Variants in HIP1 observed in about 807,000 individuals in gnomAD.
HIP1 encodes the protein huntingtin-interacting protein 1.
HIP1 carries 65 observed loss-of-function variants against 147.6 expected under a neutral mutation model. The ratio of observed to expected loss-of-function variants is 0.44; its 90% CI spans 0.36 to 0.54. The LOEUF (loss-of-function observed/expected upper bound fraction) is 0.54, where lower values mean the gene tolerates loss of function less well. Ranked by LOEUF, HIP1 falls within the 20% of genes least tolerant of loss-of-function variation. The pLI, the probability that HIP1 is intolerant of heterozygous loss-of-function variation, is 0.00. For synonymous variants in HIP1, 479 were observed against 504.0 expected, an observed-to-expected ratio of 0.95 and a Z score of 0.67; for missense variants, 1,061 against 1,299.6, an observed-to-expected ratio of 0.82 and a Z score of 2.82.
intron 1 of HIP1, among the ~76,000 whole-genome samples, chr7:75,645,789 G>A (rs1798782242): frequency 6.6e-6 from 1 of 152,168 alleles, no homozygotes; most frequent in Non-Finnish European, 1.5e-5. Context: ...GTCCTTTGCA[G>A]CAACATGGAT....
Position 75,559,825 on chromosome 7 carries a change from C to A in HIP1, c.1282G>T (p.Asp428Tyr). 6.2e-7 allele frequency: 1 copy of A among 1,612,876 alleles called. No individual in the cohort carries two copies. Among genetic ancestry groups the A allele is most frequent in the Non-Finnish European group, 8.5e-7 (1 of 1,179,884 alleles). Residue 428 changes from aspartate to tyrosine, a missense_variant, in exon 14 of 31, where the codon GAC becomes TAC. By Grantham distance (160) the Asp-to-Tyr change is radical. Transcript: ENST00000336926. ...EQQHLRQQAA[D>Y]DCEFLRAELD... Reference sequence around the variant, plus strand: ...TCTGCCCGCAGGAATTCACAGTCGTCGGCCGCCTGCTGCCGCAGGTGCTGC... The same window carrying A: ...TCTGCCCGCAGGAATTCACAGTCGTAGGCCGCCTGCTGCCGCAGGTGCTGC...
At chr7:75,732,936 G>A (rs1554523219) in intron 1 of HIP1, among the ~76,000 whole-genome samples, 1 of 152,102 alleles carries the variant, frequency 6.6e-6, no homozygotes, top group East Asian at 1.9e-4. Context: ...GCCCCGCAGT[G>A]GCCAGTCTGC....
intron 1 of HIP1, among the ~76,000 whole-genome samples, chr7:75,664,283 CACATATATGTATGT>C (rs1209775842): frequency 2.2e-5 from 3 of 133,786 alleles, no homozygotes; most frequent in South Asian, 2.5e-4. Context: ...CATATATACA[CACATATATGTATGT>C]ATATATGTAT....
At position 75,573,789 on chromosome 7, in the gene HIP1, A is replaced by G. The variant is rs1554497117; in HGVS notation, c.717T>C (p.Thr239=). The change falls in exon 8 of 31, where the codon ACT becomes ACC. Residue 239 remains threonine (T), a synonymous_variant. Coordinates refer to ENST00000336926, the MANE Select transcript of HIP1 (RefSeq NM_005338.7). ...ILDCSHLYDY[T]VKLLFKLHSC... ...AGTGGAGTTTGAAGAGAAGCTTGAC[A>G]GTGTAGTCATAAAGGTGGCTGCAGT... The G allele has an allele frequency of 6.2e-7, 1 of 1,614,144 alleles. No individual in the cohort carries two copies. The highest frequency in any genetic ancestry group is 8.5e-7 in the Non-Finnish European group (1 of 1,180,004).
intron 1 of HIP1, among the ~76,000 whole-genome samples, chr7:75,658,906 CACAT>C (rs1394889340): frequency 6.6e-6 from 1 of 151,958 alleles, no homozygotes; most frequent in Non-Finnish European, 1.5e-5. Context: ...AAAAACCACA[CACAT>C]ACACACAAAA....
intron 1 of HIP1, among the ~76,000 whole-genome samples, chr7:75,694,506 T>G (rs573315418): frequency 2.4e-5 from 1 of 41,168 alleles, no homozygotes; most frequent in Non-Finnish European, 4.8e-5. Context: ...TCTTTCTTTC[T>G]TTTTTTTTTT....
Position 75,576,542 on chromosome 7 carries a change from G to T in HIP1, c.605-2641C>A, listed in dbSNP as rs587595578. ...TTCGAGGCCAGCCTGGCCAACATGG[G>T]GAAACCCCATCTCTACTAAAAATAC... On this transcript the variant is annotated intron_variant, in intron 7 of 30. Transcript: ENST00000336926. 7.4e-4 allele frequency among the ~76,000 whole-genome samples: 112 copies of T among 151,958 alleles called. 1 individual carries two copies. Among genetic ancestry groups the T allele is most frequent in the African/African-American group, 2.4e-3 (101 of 41,452 alleles).
Position 75,559,767 on chromosome 7 carries a change from G to T in HIP1, c.1340C>A (p.Thr447Asn). ...LDELRRQRED[T>N]EKAQRSLSEI... Reference sequence around the variant, plus strand: ...AGACAGGCTCCGCTGAGCCTTCTCGGTGTCCTCCCGCTGCCTCCTGAGCTC... The same window carrying T: ...AGACAGGCTCCGCTGAGCCTTCTCGTTGTCCTCCCGCTGCCTCCTGAGCTC... Residue 447 changes from threonine to asparagine, a missense_variant, in exon 14 of 31, where the codon ACC becomes AAC. Physicochemically the swap from Thr to Asn is moderately conservative, Grantham distance 65. Coordinates refer to ENST00000336926, the MANE Select transcript of HIP1 (RefSeq NM_005338.7). The T allele has an allele frequency of 3.1e-6, 5 of 1,606,904 alleles. No homozygotes were observed. Among genetic ancestry groups the T allele is most frequent in the Non-Finnish European group, 4.2e-6 (5 of 1,178,660 alleles).
chr7:75,664,357 CATACATATATACACATACAT>C (rs1799474003), intron 1 of HIP1, among the ~76,000 whole-genome samples: 1 of 62,860 alleles, frequency 1.6e-5, no homozygotes, highest in Non-Finnish European at 3.0e-5. Flanking sequence ...TATACGTATA[CATACATATATACACATACAT>C]ATGTGTATGT....
intron 22 of HIP1, among the ~76,000 whole-genome samples, chr7:75,550,086 G>C (rs1794726598): frequency 6.6e-6 from 1 of 152,174 alleles, no homozygotes; most frequent in South Asian, 2.1e-4. Context: ...CCAGGGATCA[G>C]AGGTAGAACG....
chr7:75,549,013 T>C lies in HIP1; in HGVS notation c.2296-12A>G, dbSNP rs374954577. 46 of 1,582,998 alleles carry C rather than the reference T, an allele frequency of 2.9e-5. No homozygotes were observed. In the African/African-American group the frequency reaches 5.4e-4, roughly 19 times the overall value. On this transcript the variant is annotated splice_polypyrimidine_tract_variant and intron_variant, in intron 22 of 30. Transcript: ENST00000336926. ...CTGGGCAGGAGCTCCTGTGAACACA[T>C]CACAAAGGCTGAACTGACCTTGGGG... is the stretch of plus-strand genomic sequence containing the variant.
chr7:75,606,868 T>C (rs1280410622), intron 1 of HIP1, among the ~76,000 whole-genome samples: 2 of 152,052 alleles, frequency 1.3e-5, no homozygotes, highest in African/African-American at 4.8e-5. Context: ...AGTAGACACT[T>C]AATAGTATTA....
In HIP1 at chr7:75,548,884, C is replaced by G. The variant is rs192106235; in HGVS notation, c.2406+7G>C. The G allele has an allele frequency of 6.9e-6, 11 of 1,600,076 alleles. No homozygotes were observed. The Admixed American group carries it at 1.8e-4, about 27-fold the overall frequency. ...TCGTTTCAGGAGATCCTGCAGGAAC[C>G]TCCTACCTCTATTCTGGCCGTGGCA... On this transcript the variant is annotated splice_region_variant and intron_variant, in intron 23 of 30. Coordinates refer to ENST00000336926, the MANE Select transcript of HIP1 (RefSeq NM_005338.7).
intron 4 of HIP1, among the ~76,000 whole-genome samples, chr7:75,588,296 G>A (rs1457059079): frequency 6.6e-6 from 1 of 152,178 alleles, no homozygotes; most frequent in African/African-American, 2.4e-5. Flanking sequence ...GCTTAGGGTA[G>A]AAAGTAACCG....
intron 1 of HIP1, among the ~76,000 whole-genome samples, chr7:75,616,991 G>A (rs1384930908): frequency 2.0e-5 from 3 of 151,554 alleles, no homozygotes; most frequent in South Asian, 2.1e-4. Flanking sequence ...TTGCAGCCTC[G>A]ACCTCCTGGG....
intron 1 of HIP1, among the ~76,000 whole-genome samples, chr7:75,725,856 T>C (rs550052483): frequency 1.9e-4 from 27 of 143,930 alleles, no homozygotes; most frequent in African/African-American, 6.5e-4. Flanking sequence ...TGAGTCTCAC[T>C]CTGTTGCCCA....
intron 1 of HIP1, among the ~76,000 whole-genome samples, chr7:75,697,998 T>A (rs556805573): frequency 1.6e-4 from 25 of 152,198 alleles, no homozygotes; most frequent in South Asian, 4.1e-4. Context: ...TTTAAAAAAA[T>A]TTTTTTGTAG....
At chr7:75,600,627 A>G (rs1271655313) in intron 1 of HIP1, among the ~76,000 whole-genome samples, 4 of 152,192 alleles carry the variant, frequency 2.6e-5, no homozygotes, top group Non-Finnish European at 5.9e-5. Flanking sequence ...TACATACTGA[A>G]GAGGTTAATT....
chr7:75,593,724 C>T (rs587641318), intron 2 of HIP1, among the ~76,000 whole-genome samples: 1 of 152,054 alleles, frequency 6.6e-6, no homozygotes, highest in South Asian at 2.1e-4. Flanking sequence ...CCCCTTGGCT[C>T]CTCCTCCAGG....
Sources: allele counts gnomAD v4.1 joint callset (sites outside exome capture counted in the v4.1 genomes callset), GRCh38; gene constraint gnomAD v4.1.1; transcripts MANE v1.5; gene names NCBI Gene and HGNC (gene_info 2026-07-23, HGNC 2026-07-21).